Variants in ZNF503 observed in about 807,000 individuals in gnomAD.
ZNF503 encodes NocA-like zinc finger 2.
In ZNF503, 15 loss-of-function variants were observed where a neutral mutation model predicts 34.4. The observed-to-expected ratio is 0.44, with a 90% CI of 0.29 to 0.67. ZNF503 has a LOEUF of 0.67. Ranked by LOEUF, ZNF503 falls within the 30% of genes least tolerant of loss-of-function variation. The pLI is 0.13. For missense variants in ZNF503, 1,007 were observed against 926.8 expected (o/e 1.09, Z -1.12); for synonymous variants, 580 against 456.8 (o/e 1.27, Z -3.44).
At chr10:75,339,202 G>A in the ZNF503 span, among the ~76,000 whole-genome samples, 1 of 152,188 alleles carries the variant, frequency 6.6e-6, no homozygotes, top group Non-Finnish European at 1.5e-5. Context: ...TTGCACTCCA[G>A]CCTGGGTGAC....
the ZNF503 span, among the ~76,000 whole-genome samples, chr10:75,338,998 C>T: frequency 4.6e-5 from 7 of 152,048 alleles, no homozygotes; most frequent in South Asian, 4.1e-4. Context: ...GAGGCCGAGG[C>T]GGGTGGATTG....
chr10:75,369,339 G>A, the ZNF503 span, among the ~76,000 whole-genome samples: 2 of 152,118 alleles, frequency 1.3e-5, no homozygotes, highest in Non-Finnish European at 2.9e-5. Flanking sequence ...AACCCCCATG[G>A]GTTAAGGGTA....
chr10:75,310,925 A>G, the ZNF503 span, among the ~76,000 whole-genome samples: 1 of 152,264 alleles, frequency 6.6e-6, no homozygotes, highest in Non-Finnish European at 1.5e-5. Context: ...TCAGGTTTTA[A>G]TAAAAAAACT....
At chr10:75,294,860 G>A in the ZNF503 span, among the ~76,000 whole-genome samples, 2 of 152,146 alleles carry the variant, frequency 1.3e-5, no homozygotes, top group African/African-American at 4.8e-5. Flanking sequence ...TCTGCGCGAT[G>A]ATTGATGCGG....
the ZNF503 span, among the ~76,000 whole-genome samples, chr10:75,306,104 A>G: frequency 6.6e-5 from 10 of 152,162 alleles, no homozygotes; most frequent in African/African-American, 2.2e-4. Flanking sequence ...ATTTTTTGAG[A>G]AACTGCCTTA....
chr10:75,394,769 C>T (rs57492957), downstream of ZNF503, among the ~76,000 whole-genome samples: 3,290 of 152,278 alleles, frequency 0.022, 133 homozygotes, highest in African/African-American at 0.075. Context: ...CAAGTGAGTG[C>T]GTGTGTTGAC....
chr10:75,337,305 G>A, the ZNF503 span, among the ~76,000 whole-genome samples: 1 of 151,168 alleles, frequency 6.6e-6, no homozygotes, highest in African/African-American at 2.4e-5. Context: ...CTCCAGCATG[G>A]GCAACAAAGT....
the ZNF503 span, among the ~76,000 whole-genome samples, chr10:75,291,054 C>T: frequency 1.6e-3 from 246 of 152,254 alleles, no homozygotes; most frequent in African/African-American, 5.6e-3. Context: ...AGGAAATGTC[C>T]GCTCTTTAGT....
At chr10:75,353,937 G>A in the ZNF503 span, among the ~76,000 whole-genome samples, 3 of 152,368 alleles carry the variant, frequency 2.0e-5, no homozygotes, top group African/African-American at 7.2e-5. Context: ...GGCTCAGCTT[G>A]GGAAATCGGC....
chr10:75,342,283 TGGG>T, the ZNF503 span, among the ~76,000 whole-genome samples: 1 of 151,828 alleles, frequency 6.6e-6, no homozygotes, highest in Admixed American at 6.6e-5. Context: ...CACACGAGGG[TGGG>T]TTTCAGCTCC....
At position 75,401,683 on chromosome 10, in the gene ZNF503, G is replaced by T; in HGVS notation, c.-264C>A. On this transcript the variant is annotated 5_prime_UTR_variant, in exon 1 of 2. Coordinates refer to ENST00000372524, the MANE Select transcript of ZNF503 (RefSeq NM_032772.6). ...CGGCTCGCGGTGTCCGCCTCGGGCT[G>T]CTCCCCTGCGCTGCGTTCTCGCGGC... The T allele has an allele frequency of 8.9e-6, 4 of 450,924 alleles. No individual in the cohort carries two copies. In the South Asian group the frequency reaches 1.4e-4, roughly 15 times the overall value. The allele number at this position is 450,924 out of a possible 1,614,324, so 27.9% of individuals were successfully genotyped here.
chr10:75,401,319 C>T lies in ZNF503; in HGVS notation c.101G>A (p.Ser34Asn), dbSNP rs762893634. Residue 34 changes from serine (S) to asparagine (N), a missense_variant, in exon 1 of 2, where the codon AGC (serine) becomes AAC (asparagine). By Grantham distance (46) the Ser-to-Asn change is conservative. Coordinates refer to ENST00000372524, the MANE Select transcript of ZNF503 (RefSeq NM_032772.6). ...GCCGGAGCTATTTCCAGAGAGCGCG[C>T]TGGTCCAGGCAGGGTCTGCACCGCC... The part of the protein sequence containing the change: ...GGGGADPAWT[S>N]ALSGNSSGPG... The T allele has an allele frequency of 1.3e-6, 2 of 1,544,720 alleles. No individual in the cohort carries two copies. The highest frequency in any genetic ancestry group is 2.0e-5 in the Admixed American group (1 of 51,276).
In ZNF503 at chr10:75,401,357, G is replaced by C. The variant is rs1269669037; in HGVS notation, c.63C>G (p.Gly21=). 2 of 1,489,792 alleles carry C rather than the reference G, an allele frequency of 1.3e-6. No individual in the cohort carries two copies. Among genetic ancestry groups the C allele is most frequent in the African/African-American group, 3.0e-5 (2 of 66,294 alleles). The allele number at this position is 1,489,792 out of a possible 1,614,324, so 92.3% of individuals were successfully genotyped here. A position where few individuals can be genotyped will look rare whatever the true frequency, so the allele number is the denominator to read the frequency against. ...GGTCTGCACCGCCGCCTCCGCCTCCGCCGCCGCCGCCGCCGCTGTGCTTAC... is the reference window on the plus strand; with the variant it reads ...GGTCTGCACCGCCGCCTCCGCCTCCCCCGCCGCCGCCGCCGCTGTGCTTAC... The part of the protein sequence containing the change: ...RSSKHSGGGG[G]GGGGGGADPA... Residue 21 remains glycine, a synonymous_variant, in exon 1 of 2, where the codon GGC becomes GGG. Transcript: ENST00000372524.
the ZNF503 span, among the ~76,000 whole-genome samples, chr10:75,356,027 AG>A: frequency 6.6e-6 from 1 of 152,164 alleles, no homozygotes; most frequent in Admixed American, 6.5e-5. Context: ...ACAGTATGGC[AG>A]CCAGGTTCCC....
At chr10:75,298,926 T>C in the ZNF503 span, 1 of 149,690 alleles carries the variant, frequency 6.7e-6, no homozygotes, top group East Asian at 2.0e-4. Flanking sequence ...GCTTGGTGTA[T>C]GTTTAACTTT....
the ZNF503 span, among the ~76,000 whole-genome samples, chr10:75,353,465 C>A: frequency 6.6e-6 from 1 of 152,192 alleles, no homozygotes; most frequent in African/African-American, 2.4e-5. Context: ...GGCAGTGCGG[C>A]CAGGACCCTC....
chr10:75,286,420 T>C, the ZNF503 span, among the ~76,000 whole-genome samples: 1 of 152,212 alleles, frequency 6.6e-6, no homozygotes, highest in Non-Finnish European at 1.5e-5. Context: ...GTGGAGCCCA[T>C]GTTGCTCTAT....
chr10:75,374,377 T>C, the ZNF503 span, among the ~76,000 whole-genome samples: 2 of 152,180 alleles, frequency 1.3e-5, no homozygotes, highest in African/African-American at 2.4e-5. Flanking sequence ...CCTGTCTTTC[T>C]GACCCTTTTC....
At chr10:75,387,151 G>C in the ZNF503 span, among the ~76,000 whole-genome samples, 1 of 152,226 alleles carries the variant, frequency 6.6e-6, no homozygotes, top group Non-Finnish European at 1.5e-5. Context: ...CTTCCCTCTG[G>C]CCTTGAGGGC....
Sources: allele counts gnomAD v4.1 joint callset (sites outside exome capture counted in the v4.1 genomes callset), GRCh38; gene constraint gnomAD v4.1.1; transcripts MANE v1.5; gene names NCBI Gene and HGNC (gene_info 2026-07-23, HGNC 2026-07-21).